Variants in RPS6KC1 observed in about 807,000 individuals in gnomAD.
RPS6KC1 encodes the protein ribosomal protein S6 kinase C1, also known as inactive ribosomal protein S6 kinase delta-1.
In RPS6KC1, 54 loss-of-function variants were observed where a neutral mutation model predicts 103.8. The observed-to-expected ratio is 0.52, with a 90% CI of 0.42 to 0.65. The LOEUF (loss-of-function observed/expected upper bound fraction) is 0.65, where lower values mean the gene tolerates loss of function less well. RPS6KC1 is among the 30% of genes least tolerant of loss of function. The pLI, the probability that RPS6KC1 is intolerant of heterozygous loss-of-function variation, is 0.00. For missense variants in RPS6KC1, 1,151 were observed against 1,253.8 expected, an observed-to-expected ratio of 0.92 and a Z score of 1.24; for synonymous variants, 439 against 438.7, an observed-to-expected ratio of 1.00 and a Z score of -0.01.
the RPS6KC1 span, among the ~76,000 whole-genome samples, chr1:213,471,099 T>C: frequency 6.6e-6 from 1 of 152,050 alleles, no homozygotes. Context: ...TGTGTGTGTG[T>C]ATATCATGAG....
the RPS6KC1 span, among the ~76,000 whole-genome samples, chr1:213,288,865 A>G: frequency 1.3e-5 from 2 of 152,204 alleles, no homozygotes; most frequent in East Asian, 3.8e-4. Context: ...ATGGCAAAGT[A>G]CCGAGAGAGA....
the RPS6KC1 span, among the ~76,000 whole-genome samples, chr1:213,334,691 A>C: frequency 3.3e-5 from 5 of 152,164 alleles, no homozygotes; most frequent in African/African-American, 9.6e-5. Flanking sequence ...TGAGGGAGGG[A>C]CTCTGAAACT....
the RPS6KC1 span, among the ~76,000 whole-genome samples, chr1:213,517,398 G>C: frequency 3.9e-4 from 59 of 152,268 alleles, no homozygotes; most frequent in African/African-American, 1.4e-3. Flanking sequence ...ACACTGCTTT[G>C]AATGTGTCCC....
chr1:213,791,434 A>G, the RPS6KC1 span, among the ~76,000 whole-genome samples: 1 of 152,198 alleles, frequency 6.6e-6, no homozygotes, highest in Non-Finnish European at 1.5e-5. Flanking sequence ...TAACAAACAT[A>G]TGCAAGTATG....
chr1:213,081,922 C>T (rs1318495132), intron 3 of RPS6KC1, among the ~76,000 whole-genome samples: 1 of 152,096 alleles, frequency 6.6e-6, no homozygotes, highest in African/African-American at 2.4e-5. Context: ...CTAGAGCCAC[C>T]CAGCCAAGCC....
At chr1:213,287,837 C>G in the RPS6KC1 span, among the ~76,000 whole-genome samples, 1 of 152,212 alleles carries the variant, frequency 6.6e-6, no homozygotes, top group Non-Finnish European at 1.5e-5. Flanking sequence ...ACCACTGGGG[C>G]TCTAGACCTC....
At chr1:213,367,653 TG>T in the RPS6KC1 span, among the ~76,000 whole-genome samples, 1 of 152,190 alleles carries the variant, frequency 6.6e-6, no homozygotes, top group African/African-American at 2.4e-5. Context: ...AAAGTCTTGG[TG>T]TGAATAAAAT....
the RPS6KC1 span, among the ~76,000 whole-genome samples, chr1:213,475,908 G>A: frequency 6.6e-6 from 1 of 152,164 alleles, no homozygotes; most frequent in Non-Finnish European, 1.5e-5. Flanking sequence ...CCAGTCTATT[G>A]AAACTGTACA....
chr1:213,185,696 ATAAG>A (rs1408054767), intron 8 of RPS6KC1, among the ~76,000 whole-genome samples: 1 of 151,924 alleles, frequency 6.6e-6, no homozygotes, highest in African/African-American at 2.4e-5. Context: ...ATTATTATTG[ATAAG>A]TAAGGACTTA....
chr1:213,527,152 G>A, the RPS6KC1 span, among the ~76,000 whole-genome samples: 36 of 152,168 alleles, frequency 2.4e-4, no homozygotes, highest in African/African-American at 6.3e-4. Flanking sequence ...TGTAAAGCTC[G>A]TAGAGGTCCA....
intron 3 of RPS6KC1, among the ~76,000 whole-genome samples, chr1:213,096,590 G>A (rs929336692): frequency 6.6e-6 from 1 of 151,996 alleles, no homozygotes; most frequent in Non-Finnish European, 1.5e-5. Context: ...GCTTGAACCC[G>A]GGAGGCGGAG....
chr1:213,602,124 T>TC, the RPS6KC1 span, among the ~76,000 whole-genome samples: 49 of 41,038 alleles, frequency 1.2e-3, 1 homozygote, highest in Non-Finnish European at 1.8e-3. Flanking sequence ...TTCTTTCTCT[T>TC]TCTTTCTTTC....
At chr1:213,286,926 T>C in the RPS6KC1 span, among the ~76,000 whole-genome samples, 1 of 152,334 alleles carries the variant, frequency 6.6e-6, no homozygotes, top group East Asian at 1.9e-4. Context: ...GAGTATGCAG[T>C]TGGCAACAGA....
chr1:213,082,442 T>G (rs750857552), intron 3 of RPS6KC1, among the ~76,000 whole-genome samples: 3 of 150,510 alleles, frequency 2.0e-5, no homozygotes, highest in Non-Finnish European at 3.0e-5. Context: ...AAAAAATAAA[T>G]AATAAAAAAA....
chr1:213,055,079 A>G (rs1214559860), intron 1 of RPS6KC1, among the ~76,000 whole-genome samples: 3 of 152,216 alleles, frequency 2.0e-5, no homozygotes, highest in Non-Finnish European at 4.4e-5. Flanking sequence ...TTTAATTTAC[A>G]TTGAGTCATA....
chr1:213,364,667 G>T, the RPS6KC1 span, among the ~76,000 whole-genome samples: 10 of 152,080 alleles, frequency 6.6e-5, no homozygotes, highest in Non-Finnish European at 1.2e-4. Context: ...AAAGCCTAAG[G>T]CTTCAGCTAG....
At chr1:213,683,926 AC>A in the RPS6KC1 span, among the ~76,000 whole-genome samples, 1 of 152,264 alleles carries the variant, frequency 6.6e-6, no homozygotes, top group Non-Finnish European at 1.5e-5. Context: ...CTTTCCAGGC[AC>A]CACTTTATAG....
the RPS6KC1 span, among the ~76,000 whole-genome samples, chr1:213,517,454 A>G: frequency 1.3e-5 from 2 of 152,206 alleles, no homozygotes; most frequent in Non-Finnish European, 2.9e-5. Flanking sequence ...GTTTCAAAGA[A>G]CATCTTTGTT....
At chr1:213,112,347 TATC>T (rs1264694434) in intron 4 of RPS6KC1, among the ~76,000 whole-genome samples, 3 of 152,170 alleles carry the variant, frequency 2.0e-5, no homozygotes, top group African/African-American at 7.2e-5. Flanking sequence ...TGTCTGGTGA[TATC>T]ATTCTCTAGC....
Sources: gnomAD v4.1 joint callset for allele counts (sites outside exome capture counted in the v4.1 genomes callset) on GRCh38, gnomAD v4.1.1 for gene constraint, MANE v1.5 for transcripts, NCBI Gene and HGNC (gene_info 2026-07-23, HGNC 2026-07-21) for gene names.